The following ADAMTS12 variants were observed in gnomAD, a reference collection of about 807,000 sequenced individuals.
ADAMTS12 encodes A disintegrin and metalloproteinase with thrombospondin motifs 12.
A neutral mutation model predicts 167.8 loss-of-function variants in ADAMTS12; 118 were observed. The observed-to-expected ratio is 0.70, with a 90% confidence interval of 0.61 to 0.82. The LOEUF is 0.82. ADAMTS12 is among the 40% of genes least tolerant of loss of function. The pLI is 0.00. For synonymous variants in ADAMTS12, 704 were observed against 716.9 expected, an observed-to-expected ratio of 0.98 and a Z score of 0.29; for missense variants, 1,916 against 1,998.8, an observed-to-expected ratio of 0.96 and a Z score of 0.79.
chr5:33,721,503 G>A (rs1743805037), intron 3 of ADAMTS12, among the ~76,000 whole-genome samples: 1 of 152,140 alleles, frequency 6.6e-6, no homozygotes, highest in Admixed American at 6.5e-5. Flanking sequence ...TGGAGAAAAG[G>A]TCTCCATGGT....
intron 2 of ADAMTS12, among the ~76,000 whole-genome samples, chr5:33,847,669 G>A (rs1172187364): frequency 6.6e-6 from 1 of 152,032 alleles, no homozygotes; most frequent in African/African-American, 2.4e-5. Flanking sequence ...TCAAGGACTG[G>A]ATCAAACCCA....
intron 16 of ADAMTS12, among the ~76,000 whole-genome samples, chr5:33,599,905 A>G (rs1738104460): frequency 6.6e-6 from 1 of 152,254 alleles, no homozygotes; most frequent in Admixed American, 6.5e-5. Flanking sequence ...AATGCAGGAA[A>G]TACAACACAT....
chr5:33,614,554 T>C (rs924780535), intron 15 of ADAMTS12, among the ~76,000 whole-genome samples, 178 bp from the exon 16 acceptor site: 1 of 152,198 alleles, frequency 6.6e-6, no homozygotes, highest in Non-Finnish European at 1.5e-5. Flanking sequence ...TATGTCTGTG[T>C]CTAAGTTCAT....
chr5:33,546,376 A>T (rs74463306), intron 21 of ADAMTS12, among the ~76,000 whole-genome samples, 174 bp from the exon 22 acceptor site: 5 of 140,456 alleles, frequency 3.6e-5, no homozygotes, highest in Non-Finnish European at 3.0e-5. Flanking sequence ...CTCACTATTT[A>T]AAAAAAAAAA....
chr5:33,823,038 C>G (rs1010925732), intron 2 of ADAMTS12, among the ~76,000 whole-genome samples: 1 of 149,302 alleles, frequency 6.7e-6, no homozygotes, highest in Non-Finnish European at 1.5e-5. Context: ...CTGCAGTGAG[C>G]TATGATCACA....
intron 3 of ADAMTS12, among the ~76,000 whole-genome samples, chr5:33,740,871 C>T (rs953961043): frequency 2.0e-5 from 3 of 152,190 alleles, no homozygotes; most frequent in African/African-American, 4.8e-5. Context: ...AGAGGTGGAC[C>T]GTGAGTGAGG....
intron 3 of ADAMTS12, among the ~76,000 whole-genome samples, chr5:33,737,929 T>C (rs979433221): frequency 7.9e-5 from 12 of 151,904 alleles, no homozygotes; most frequent in African/African-American, 2.7e-4. Flanking sequence ...GAGGAGAAAA[T>C]AGAAACAAGA....
At chr5:33,803,773 G>C (rs763945398) in intron 2 of ADAMTS12, among the ~76,000 whole-genome samples, 1 of 152,156 alleles carries the variant, frequency 6.6e-6, no homozygotes, top group Non-Finnish European at 1.5e-5. Context: ...GTGTGCAGGG[G>C]AACTGCCCTT....
intron 18 of ADAMTS12, 87 bp downstream of exon 18, chr5:33,588,512 G>T: frequency 1.3e-6 from 2 of 1,528,240 alleles, no homozygotes; most frequent in South Asian, 1.1e-5. Flanking sequence ...TTTTACCTAG[G>T]GTCACTTTGG....
intron 2 of ADAMTS12, among the ~76,000 whole-genome samples, chr5:33,849,992 C>T (rs936146022): frequency 6.6e-6 from 1 of 151,910 alleles, no homozygotes; most frequent in African/African-American, 2.4e-5. Context: ...AGTGTAAATC[C>T]TTTTTATCTT....
At chr5:33,578,424 T>C (rs1226538163) in intron 18 of ADAMTS12, among the ~76,000 whole-genome samples, 1 of 152,180 alleles carries the variant, frequency 6.6e-6, no homozygotes, top group Non-Finnish European at 1.5e-5. Context: ...CCAAACCTAG[T>C]GCAACACACT....
intron 15 of ADAMTS12, among the ~76,000 whole-genome samples, chr5:33,615,544 T>C (rs766121891): frequency 8.5e-5 from 13 of 152,094 alleles, no homozygotes; most frequent in African/African-American, 1.4e-4. Context: ...ACAATGACAA[T>C]AGACTTCAGG....
chr5:33,633,800 G>C (rs1740069103), intron 12 of ADAMTS12, among the ~76,000 whole-genome samples: 1 of 152,136 alleles, frequency 6.6e-6, no homozygotes, highest in Non-Finnish European at 1.5e-5. Context: ...ACCTTGTTGA[G>C]TCCATCATCT....
At chr5:33,658,436 A>G in intron 6 of ADAMTS12, 103 bp from the exon 7 acceptor site, 1 of 1,353,980 alleles carries the variant, frequency 7.4e-7, no homozygotes, top group Non-Finnish European at 1.0e-6. Flanking sequence ...TGGTCTGTAA[A>G]GTATGCTTGG....
intron 19 of ADAMTS12, among the ~76,000 whole-genome samples, chr5:33,571,470 A>T (rs934227184): frequency 1.3e-5 from 2 of 152,352 alleles, no homozygotes; most frequent in African/African-American, 4.8e-5. Context: ...CTACATGGAA[A>T]CTGAACAACC....
chr5:33,627,962 C>T (rs962798019), intron 13 of ADAMTS12, among the ~76,000 whole-genome samples: 13 of 151,990 alleles, frequency 8.6e-5, no homozygotes, highest in Non-Finnish European at 1.5e-4. Flanking sequence ...ACATGCATAA[C>T]GTTGAATTTT....
At chr5:33,530,885 G>T (rs1269965491) in intron 23 of ADAMTS12, among the ~76,000 whole-genome samples, 1 of 152,208 alleles carries the variant, frequency 6.6e-6, no homozygotes, top group Non-Finnish European at 1.5e-5. Context: ...GTACCCCAGA[G>T]TGGAAGTCCT....
chr5:33,607,711 T>C (rs1738518185), intron 16 of ADAMTS12, among the ~76,000 whole-genome samples: 2 of 152,190 alleles, frequency 1.3e-5, no homozygotes, highest in South Asian at 2.1e-4. Context: ...TGGTTCTCCT[T>C]GTAGAGATCT....
intron 2 of ADAMTS12, among the ~76,000 whole-genome samples, chr5:33,872,546 G>GAAAAAA (rs61345844): frequency 2.8e-5 from 4 of 141,964 alleles, no homozygotes; most frequent in Admixed American, 1.4e-4. Flanking sequence ...GACTTCATCT[G>GAAAAAA]AAAAAAAAAA....
Sources: gnomAD v4.1 joint callset for allele counts (sites outside exome capture counted in the v4.1 genomes callset) on GRCh38, gnomAD v4.1.1 for gene constraint, MANE v1.5 for transcripts, NCBI Gene and HGNC (gene_info 2026-07-23, HGNC 2026-07-21) for gene names.